Variants in ATXN2L observed in about 807,000 individuals in gnomAD.
ATXN2L encodes ataxin-2-like protein.
In ATXN2L, 24 loss-of-function variants were observed where a neutral mutation model predicts 120.7. That is an observed-to-expected ratio of 0.20 (90% confidence interval 0.14 to 0.28). ATXN2L has a LOEUF of 0.28. Among genes scored for constraint, ATXN2L ranks in the 10% least tolerant of loss-of-function variants. The probability of loss-of-function intolerance (pLI) is 1.00; values close to 1 mark genes in which losing one functional copy is unlikely to be tolerated. For synonymous variants in ATXN2L, 653 were observed against 568.1 expected (o/e 1.15, Z -2.13); for missense variants, 1,312 against 1,432.3 (o/e 0.92, Z 1.36).
chr16:28,827,542 A>G (rs899246732), intron 6 of ATXN2L, among the ~76,000 whole-genome samples: 1 of 151,780 alleles, frequency 6.6e-6, no homozygotes, highest in African/African-American at 2.4e-5. Context: ...GTGTAGGCCC[A>G]TTTCTCTTCC....
Position 28,826,251 on chromosome 16 carries a change from C to T in ATXN2L, c.477C>T (p.Ala159=), listed in dbSNP as rs750821976. 19 of 1,614,050 alleles carry T rather than the reference C, an allele frequency of 1.2e-5. 3 individuals carry two copies. The highest frequency in any genetic ancestry group is 9.9e-5 in the South Asian group (9 of 91,082). ...FKTLSSKFEL[A]VDAVHRKASE... ...TGGGGTGTTTGTAGTTTGAACTAGC[C>T]GTGGATGCTGTGCACCGGAAAGCAT... Residue 159 remains alanine, a synonymous_variant, in exon 5 of 22, where the codon GCC becomes GCT. Coordinates refer to ENST00000336783, the MANE Select transcript of ATXN2L (RefSeq NM_007245.4).
At chr16:28,833,638 A>T in intron 15 of ATXN2L, 130 bp downstream of exon 15, 1 of 994,572 alleles carries the variant, frequency 1.0e-6, no homozygotes, top group Non-Finnish European at 1.5e-6. Flanking sequence ...AGGAGATGTC[A>T]TAAAAATGTA....
rs115118136 is a variant in ATXN2L at position 28,831,831 on chromosome 16, G to C, written c.1322-374G>C. ...GCCCAGGAGGCTGAGGTTGCAGTGA[G>C]ATGGCATCACACCATTGCACTCCAG... On this transcript the variant is annotated intron_variant, in intron 10 of 21. Coordinates refer to ENST00000336783, the MANE Select transcript of ATXN2L (RefSeq NM_007245.4). 8.4e-3 allele frequency among the ~76,000 whole-genome samples: 1,283 copies of C among 152,332 alleles called. 19 individuals are homozygous for C. The highest frequency in any genetic ancestry group is 0.029 in the African/African-American group (1,218 of 41,568).
chr16:28,831,218 T>C (rs2054278268), intron 10 of ATXN2L, 146 bp downstream of exon 10: 1 of 676,442 alleles, frequency 1.5e-6, no homozygotes, highest in Non-Finnish European at 2.5e-6. Flanking sequence ...TGGGAAATAG[T>C]TCTTCGATTT....
rs374234496 is a variant in ATXN2L, at chr16:28,832,881, G to T, written c.1653G>T (p.Gln551His). Residue 551 changes from glutamine (Q) to histidine (H), a missense_variant, in exon 13 of 22, where the codon CAG (glutamine) becomes CAT (histidine). Gln to His is a conservative substitution (Grantham distance 24, BLOSUM62 0). Transcript: ENST00000336783. ...QLEELRKFGA[Q>H]FKLQPSSSPE... Reference sequence around the variant, plus strand: ...AAGAACTGAGAAAGTTTGGGGCCCAGTTTAAGGTGAGAGAAGAGTGAGCTG... The same window carrying T: ...AAGAACTGAGAAAGTTTGGGGCCCATTTTAAGGTGAGAGAAGAGTGAGCTG... 1 of 1,614,224 alleles carries T rather than the reference G, an allele frequency of 6.2e-7. No homozygotes were observed. The highest frequency in any genetic ancestry group is 1.1e-5 in the South Asian group (1 of 91,086).
intron 9 of ATXN2L, 38 bp downstream of exon 9, chr16:28,830,828 A>C: frequency 6.4e-7 from 1 of 1,555,998 alleles, no homozygotes; most frequent in Non-Finnish European, 8.7e-7. Context: ...AGGGCAGGGA[A>C]GGGGATGCCA....
rs1421769489 is a variant in ATXN2L at position 28,835,965 on chromosome 16, G to GC, written c.2933dup (p.His979SerfsTer52). On this transcript the variant is annotated frameshift_variant, in exon 22 of 22. Coordinates refer to ENST00000336783, the MANE Select transcript of ATXN2L (RefSeq NM_007245.4). LOFTEE classifies it high-confidence loss of function. Reference sequence around the variant, plus strand: ...TCCAAACTGGAATCACAGCAGCCCCGCCCCCTCACCCTGGGGCTCCCCACC... The same window carrying GC: ...TCCAAACTGGAATCACAGCAGCCCCGCCCCCCTCACCCTGGGGCTCCCCACC... 6.5e-7 allele frequency: 1 copy of GC among 1,540,778 alleles called. No homozygotes were observed.
chr16:28,834,108 A>T lies in ATXN2L; in HGVS notation c.2069A>T (p.His690Leu), dbSNP rs1245487863. Residue 690 changes from histidine (H) to leucine (L), a missense_variant, in exon 16 of 22, where the codon CAT becomes CTT. His to Leu is a moderately conservative substitution (Grantham distance 99). Transcript: ENST00000336783. ...STPTSPGPRT[H>L]STPSIPVLTA... ...CCAACTTCTCCGGGGCCCCGGACTC[A>T]TTCAACTCCCTCCATCCCGGTGCTG... The T allele has an allele frequency of 6.2e-7, 1 of 1,614,062 alleles. No homozygotes were observed. Among genetic ancestry groups the T allele is most frequent in the East Asian group, 2.2e-5 (1 of 44,892 alleles).
At position 28,823,549 on chromosome 16, in the gene ATXN2L, G is replaced by A; in HGVS notation, c.290G>A (p.Gly97Asp). 3 of 1,355,568 alleles carry A rather than the reference G, an allele frequency of 2.2e-6. No homozygotes were observed. Among genetic ancestry groups the A allele is most frequent in the Admixed American group, 3.7e-5 (1 of 27,110 alleles). 84.0% of individuals were successfully genotyped at this position (1,355,568 alleles called of 1,614,324 possible). Residue 97 changes from glycine to aspartate, a missense_variant, in exon 1 of 22, where the codon GGC becomes GAC. By Grantham distance (94) the Gly-to-Asp change is moderately conservative (BLOSUM62 -1). Transcript: ENST00000336783. ...HQERPGAAAI[G>D]SARGQSTGKG... ...GAGAGGCCGGGGGCAGCCGCCATCG[G>A]CAGCGCCAGGTGAGAAGGGTGGGCT...
intron 5 of ATXN2L, 98 bp downstream of exon 5, chr16:28,826,488 T>TTTTTTG: frequency 7.1e-7 from 1 of 1,408,326 alleles, no homozygotes; most frequent in East Asian, 2.3e-5. Context: ...TTTGGTTTGT[T>TTTTTTG]TTTTTGTTTT....
At chr16:28,825,592 C>A in intron 2 of ATXN2L, 32 bp from the exon 3 acceptor site, 1 of 1,605,502 alleles carries the variant, frequency 6.2e-7, no homozygotes, top group Non-Finnish European at 8.5e-7. Context: ...ACTGATTACT[C>A]CTTTAATTCT....
chr16:28,823,316 G>A lies in ATXN2L; in HGVS notation c.57G>A (p.Thr19=), dbSNP rs368832717. ...CCCAGCCCCAGCAGCCGCCCCCCAC[G>A]CAACAGGCCGTGGCCCGTCGGCCCC... ...QPSQPQQPPP[T]QQAVARRPPG... is the part of the protein sequence containing the mutation. The change falls in exon 1 of 22, where the codon ACG becomes ACA. Residue 19 remains threonine, a synonymous_variant. Coordinates refer to ENST00000336783, the MANE Select transcript of ATXN2L (RefSeq NM_007245.4). The A allele has an allele frequency of 2.2e-5, 32 of 1,483,394 alleles. No homozygotes were observed. The highest frequency in any genetic ancestry group is 2.5e-4 in the Middle Eastern group (1 of 4,068). The allele number at this position is 1,483,394 out of a possible 1,614,324, so 91.9% of individuals were successfully genotyped here.
In ATXN2L at chr16:28,823,161, G is replaced by A; in HGVS notation, c.-99G>A. 1.3e-6 allele frequency: 1 copy of A among 792,636 alleles called. No homozygotes were observed. The highest frequency in any genetic ancestry group is 5.2e-5 in the South Asian group (1 of 19,376). The allele number at this position is 792,636 out of a possible 1,614,324, so 49.1% of individuals were successfully genotyped here. On this transcript the variant is annotated 5_prime_UTR_variant, in exon 1 of 22. Coordinates refer to ENST00000336783, the MANE Select transcript of ATXN2L (RefSeq NM_007245.4). ...CGCCCGCCCACGGCGGGCCCCGGCT[G>A]CCCGATCCCCCTCGCTTCCCGCGCT...
rs746777628 is a variant in ATXN2L at position 28,823,362 on chromosome 16, A to G, written c.103A>G (p.Asn35Asp). The G allele has an allele frequency of 9.6e-6, 13 of 1,356,272 alleles. No homozygotes were observed. Among genetic ancestry groups the G allele is most frequent in the African/African-American group, 1.5e-5 (1 of 66,128 alleles). 84.0% of individuals were successfully genotyped at this position (1,356,272 alleles called of 1,614,324 possible). Residue 35 changes from asparagine to aspartate, a missense_variant, in exon 1 of 22, where the codon AAC becomes GAC. Transcript: ENST00000336783. Reference sequence around the variant, plus strand: ...GCCCCCCGGGGGCACCAGCCCTCCCAACGGCGGCCTCCCGGGGCCGCTGGC... The same window carrying G: ...GCCCCCCGGGGGCACCAGCCCTCCCGACGGCGGCCTCCCGGGGCCGCTGGC... ...RRPPGGTSPP[N>D]GGLPGPLATS...
At chr16:28,830,298 T>C (rs1158559094) in intron 8 of ATXN2L, among the ~76,000 whole-genome samples, 1 of 152,130 alleles carries the variant, frequency 6.6e-6, no homozygotes, top group South Asian at 2.1e-4. Flanking sequence ...AAAAGTGAAA[T>C]ATAACTACAT....
chr16:28,826,526 T>C (rs2052063421), intron 5 of ATXN2L, 136 bp downstream of exon 5: 4 of 1,029,434 alleles, frequency 3.9e-6, no homozygotes. Flanking sequence ...TTAATGCCTT[T>C]TTTTTCCTGA....
intron 7 of ATXN2L, 143 bp from the exon 8 acceptor site, chr16:28,829,715 A>AGTC: frequency 1.1e-6 from 1 of 881,154 alleles, no homozygotes; most frequent in Non-Finnish European, 1.8e-6. Context: ...CCTGGGATGC[A>AGTC]GTCGGTGCCC....
intron 10 of ATXN2L, among the ~76,000 whole-genome samples, chr16:28,831,736 T>A (rs908984566): frequency 6.6e-6 from 1 of 152,048 alleles, no homozygotes. Flanking sequence ...ATAAAAAGAT[T>A]AGCTAGGCTT....
rs781653159 is a variant in ATXN2L, at chr16:28,832,372, C to T, written c.1489C>T (p.Pro497Ser). The T allele has an allele frequency of 1.9e-5, 30 of 1,614,080 alleles. No individual in the cohort carries two copies. In the Admixed American group the frequency reaches 4.8e-4, roughly 26 times the overall value. ...PGVGSISPAS[P>S]KISLAPTDVK... ...AGTGGGCTCCATTTCTCCAGCTTCT[C>T]CAAAGATCTCCCTGGCCCCCACAGA... is the stretch of plus-strand genomic sequence containing the variant. The change falls in exon 11 of 22, where the codon CCA becomes TCA. Residue 497 changes from proline to serine, a missense_variant. Physicochemically the swap from Pro to Ser is moderately conservative, Grantham distance 74 (BLOSUM62 -1). Coordinates refer to ENST00000336783, the MANE Select transcript of ATXN2L (RefSeq NM_007245.4).
Sources: gnomAD v4.1 joint callset for allele counts (sites outside exome capture counted in the v4.1 genomes callset) on GRCh38, gnomAD v4.1.1 for gene constraint, MANE v1.5 for transcripts, NCBI Gene and HGNC (gene_info 2026-07-23, HGNC 2026-07-21) for gene names.